The following PPP2R2D variants were observed in gnomAD, a reference collection of about 807,000 sequenced individuals.
PPP2R2D encodes the protein protein phosphatase 2 regulatory subunit Bdelta.
Under a neutral mutation model 31.1 loss-of-function variants are expected in PPP2R2D, and 9 were observed. The observed-to-expected ratio is 0.29, with a 90% CI of 0.17 to 0.51. The LOEUF (loss-of-function observed/expected upper bound fraction) is 0.51. Among genes scored for constraint, PPP2R2D ranks in the 20% least tolerant of loss-of-function variants. PPP2R2D has a pLI of 0.98. For missense variants in PPP2R2D, 391 were observed against 465.6 expected (o/e 0.84, Z 1.48); for synonymous variants, 179 against 172.6 (o/e 1.04, Z -0.29).
chr10:131,962,774 C>T (rs909977525), downstream of PPP2R2D, among the ~76,000 whole-genome samples: 2 of 152,222 alleles, frequency 1.3e-5, no homozygotes, highest in Admixed American at 1.3e-4. Context: ...TGGGCTCCAC[C>T]CCCAACCGCA....
At chr10:131,926,845 T>A (rs987552546) in intron 2 of PPP2R2D, among the ~76,000 whole-genome samples, 2 of 152,096 alleles carry the variant, frequency 1.3e-5, no homozygotes, top group Non-Finnish European at 2.9e-5. Flanking sequence ...CTGCCCAGCG[T>A]GTAGAGGAGA....
chr10:131,953,356 C>T (rs1240444408), intron 8 of PPP2R2D, among the ~76,000 whole-genome samples: 5 of 48,454 alleles, frequency 1.0e-4, no homozygotes, highest in East Asian at 1.0e-3. Flanking sequence ...TCCAGTTGTG[C>T]GGGGGGTTCA....
chr10:131,909,456 C>T (rs982862552), intron 2 of PPP2R2D, among the ~76,000 whole-genome samples: 3 of 152,180 alleles, frequency 2.0e-5, no homozygotes, highest in African/African-American at 2.4e-5. Flanking sequence ...ACTCTAGTTT[C>T]GGGGTGGCCA....
chr10:131,956,107 C>G lies in PPP2R2D; in HGVS notation c.*144C>G. Reference sequence around the variant, plus strand: ...CACAGACACAGGAGAAAGCCGCCTCCGCTGGAGGCCCGGTGTGGTTCCGCC... The same window carrying G: ...CACAGACACAGGAGAAAGCCGCCTCGGCTGGAGGCCCGGTGTGGTTCCGCC... On this transcript the variant is annotated 3_prime_UTR_variant, in exon 9 of 9. Transcript: ENST00000455566. 1 of 1,263,520 alleles carries G rather than the reference C, an allele frequency of 7.9e-7. No homozygotes were observed. The highest frequency in any genetic ancestry group is 9.9e-7 in the Non-Finnish European group (1 of 1,006,332). 78.3% of individuals were successfully genotyped at this position (1,263,520 alleles called of 1,614,324 possible). A position where few individuals can be genotyped will look rare whatever the true frequency, so the allele number is the denominator to read the frequency against.
chr10:131,921,754 T>G (rs1554894288), intron 2 of PPP2R2D, among the ~76,000 whole-genome samples: 1 of 152,146 alleles, frequency 6.6e-6, no homozygotes, highest in East Asian at 1.9e-4. Flanking sequence ...AGTGACTATG[T>G]TGGTGATTGT....
intron 3 of PPP2R2D, among the ~76,000 whole-genome samples, chr10:131,939,102 A>G (rs1156650333): frequency 3.3e-5 from 5 of 150,870 alleles, no homozygotes; most frequent in Admixed American, 3.3e-4. Context: ...GACCTGCTCC[A>G]GAAAACACGG....
At chr10:131,909,905 A>C (rs1452066650) in intron 2 of PPP2R2D, among the ~76,000 whole-genome samples, 2 of 152,256 alleles carry the variant, frequency 1.3e-5, no homozygotes, top group Non-Finnish European at 2.9e-5. Flanking sequence ...TTTCAAAAAC[A>C]AAAAGATTAA....
intron 3 of PPP2R2D, among the ~76,000 whole-genome samples, chr10:131,938,069 T>A (rs1432083119): frequency 1.3e-5 from 2 of 151,490 alleles, no homozygotes; most frequent in African/African-American, 4.9e-5. Context: ...GCCCTGCACG[T>A]CAGACTCAGT....
chr10:131,971,220 C>T, the PPP2R2D span: 1 of 508,642 alleles, frequency 2.0e-6, no homozygotes, highest in South Asian at 2.1e-5. Flanking sequence ...CCACTCAGGG[C>T]GTAAATACAT....
At position 131,944,094 on chromosome 10, in the gene PPP2R2D, G is replaced by C; in HGVS notation, c.604G>C (p.Asp202His). 6.2e-7 allele frequency: 1 copy of C among 1,611,904 alleles called. No homozygotes were observed. Among genetic ancestry groups the C allele is most frequent in the Non-Finnish European group, 8.5e-7 (1 of 1,178,398 alleles). The part of the protein sequence containing the change: ...NSDHETYLSA[D>H]DLRINLWHLE... Reference sequence around the variant, plus strand: ...TGATCATGAAACATATCTTTCTGCAGATGACCTGAGAATTAATTTATGGCA... The same window carrying C: ...TGATCATGAAACATATCTTTCTGCACATGACCTGAGAATTAATTTATGGCA... The change falls in exon 6 of 9, where the codon GAT becomes CAT. Residue 202 changes from aspartate to histidine, a missense_variant. Coordinates refer to ENST00000455566, the MANE Select transcript of PPP2R2D (RefSeq NM_018461.5).
intron 2 of PPP2R2D, among the ~76,000 whole-genome samples, chr10:131,920,377 G>T (rs2035959207): frequency 7.1e-6 from 1 of 140,696 alleles, no homozygotes; most frequent in South Asian, 2.3e-4. Flanking sequence ...ACAGTGTAGG[G>T]ACCTCACGTG....
At chr10:131,929,716 C>T (rs2036180339) in intron 2 of PPP2R2D, among the ~76,000 whole-genome samples, 1 of 152,180 alleles carries the variant, frequency 6.6e-6, no homozygotes, top group Admixed American at 6.5e-5. Flanking sequence ...TCCCCGCCAC[C>T]ACCGGCAGCT....
chr10:131,970,596 C>T, the PPP2R2D span: 2 of 1,603,500 alleles, frequency 1.2e-6, no homozygotes, highest in Non-Finnish European at 1.7e-6. This position sits in a 1 kb window ranked among gnomAD's most constrained non-coding sequence, Gnocchi z 4.1. Flanking sequence ...AGAATCGCCC[C>T]ACGACATGCC....
intron 5 of PPP2R2D, among the ~76,000 whole-genome samples, chr10:131,942,863 T>C (rs533457222): frequency 6.6e-6 from 1 of 152,326 alleles, no homozygotes; most frequent in African/African-American, 2.4e-5. Context: ...TAGAACTGAC[T>C]CTTCTTGCTC....
rs1418767018 is a variant in PPP2R2D at position 131,901,265 on chromosome 10, G to A, written c.35G>A (p.Gly12Asp). 29 of 359,866 alleles carry A rather than the reference G, an allele frequency of 8.1e-5. No individual in the cohort carries two copies. The Admixed American group carries it at 1.3e-3, about 16-fold the overall frequency. 22.3% of individuals were successfully genotyped at this position (359,866 alleles called of 1,614,324 possible). Residue 12 changes from glycine to aspartate, a missense_variant, in exon 2 of 9, where the codon GGC (glycine) becomes GAC (aspartate). Physicochemically the swap from Gly to Asp is moderately conservative, Grantham distance 94. Around this residue, in one of 3 missense-constraint regions of PPP2R2D, gnomAD observed 105 missense variants for 98.5 expected, o/e 1.07. Coordinates refer to ENST00000455566, the MANE Select transcript of PPP2R2D (RefSeq NM_018461.5). Reference protein sequence around the residue: ...AGAGGGGCPAGGNDFQWCFSQ... With the variant: ...AGAGGGGCPADGNDFQWCFSQ... Reference sequence around the variant, plus strand: ...GCCGGAGGCGGCGGCTGCCCCGCGGGCGGCAACGACTTCCAGTGGTGCTTC... The same window carrying A: ...GCCGGAGGCGGCGGCTGCCCCGCGGACGGCAACGACTTCCAGTGGTGCTTC...
chr10:131,954,943 A>G (rs2036766656), intron 8 of PPP2R2D, among the ~76,000 whole-genome samples: 1 of 152,240 alleles, frequency 6.6e-6, no homozygotes, highest in South Asian at 2.1e-4. Context: ...GGGTCAAATC[A>G]TGGCAGCGTT....
intron 2 of PPP2R2D, among the ~76,000 whole-genome samples, chr10:131,925,364 G>T (rs2036085590): frequency 6.6e-6 from 1 of 152,110 alleles, no homozygotes; most frequent in South Asian, 2.1e-4. Context: ...AAAGGTGTTG[G>T]ATTTGTTAAA....
chr10:131,940,871 T>G, intron 5 of PPP2R2D, 177 bp downstream of exon 5: 1 of 519,574 alleles, frequency 1.9e-6, no homozygotes, highest in Non-Finnish European at 3.4e-6. Context: ...GTCTTTCTCC[T>G]GTTTTCACAA....
chr10:131,906,606 C>T (rs965004920), intron 2 of PPP2R2D, among the ~76,000 whole-genome samples: 1 of 151,864 alleles, frequency 6.6e-6, no homozygotes, highest in Non-Finnish European at 1.5e-5. Flanking sequence ...GCATCAGCAC[C>T]AGAAAGTTAC....
Sources: gnomAD v4.1 joint callset for allele counts (sites outside exome capture counted in the v4.1 genomes callset) on GRCh38, gnomAD v4.1.1 for gene constraint, gnomAD v4.1.1 regional missense constraint, Gnocchi (gnomAD v3.1) non-coding constraint, MANE v1.5 for transcripts, NCBI Gene and HGNC (gene_info 2026-07-23, HGNC 2026-07-21) for gene names.